The following PTDSS2 variants were observed in gnomAD, a reference collection of about 807,000 sequenced individuals.
PTDSS2 encodes phosphatidylserine synthase 2, also known as PSS-2.
PTDSS2 carries 41 observed loss-of-function variants against 64.7 expected under a neutral mutation model. That is an observed-to-expected ratio of 0.63 (90% CI 0.49 to 0.82). PTDSS2 has a LOEUF of 0.82. Ranked by LOEUF, PTDSS2 falls within the 40% of genes least tolerant of loss-of-function variation. The pLI is 0.00. For missense variants in PTDSS2, 485 were observed against 650.0 expected (o/e 0.75, Z 2.76); for synonymous variants, 297 against 277.8 (o/e 1.07, Z -0.69).
chr11:455,905 G>A lies in PTDSS2; in HGVS notation c.183-4282G>A, dbSNP rs192986477. Among the ~76,000 whole-genome samples, 411 of 152,298 alleles carry A rather than the reference G, an allele frequency of 2.7e-3. 1 individual carries two copies. The highest frequency in any genetic ancestry group is 0.01 in the Middle Eastern group (3 of 292). On this transcript the variant is annotated intron_variant, in intron 1 of 11. Transcript: ENST00000308020. ...GCTGTGTCTTCTCCCGGGTGTGGCT[G>A]GGGCGGGGGCTCAGGGAATGGCTGT...
rs933607235 is a variant in PTDSS2 at position 490,636 on chromosome 11, C to T, written c.*54C>T. ...CCAGAGCCCAGGCCTCCGTGGCCTC[C>T]TCCTGTGTGAGTCCCACCAGGAGCC... On this transcript the variant is annotated 3_prime_UTR_variant, in exon 12 of 12. Transcript: ENST00000308020. 2 of 1,506,758 alleles carry T rather than the reference C, an allele frequency of 1.3e-6. No individual in the cohort carries two copies. The highest frequency in any genetic ancestry group is 1.4e-5 in the African/African-American group (1 of 72,240). The allele number at this position is 1,506,758 out of a possible 1,614,324, so 93.3% of individuals were successfully genotyped here.
Position 476,325 on chromosome 11 carries a change from C to T in PTDSS2, c.367+2348C>T, listed in dbSNP as rs934948034. Among the ~76,000 whole-genome samples, 5 of 151,896 alleles carry T rather than the reference C, an allele frequency of 3.3e-5. No homozygotes were observed. The highest frequency in any genetic ancestry group is 2.1e-4 in the South Asian group (1 of 4,810). ...GCCCGTCACACAGTGAAAAGCCTGGCGCCGTGACGGTGAGAAACTGCCCGT... is the reference window on the plus strand; with the variant it reads ...GCCCGTCACACAGTGAAAAGCCTGGTGCCGTGACGGTGAGAAACTGCCCGT... On this transcript the variant is annotated intron_variant, in intron 3 of 11. Transcript: ENST00000308020. The surrounding 1 kb of genome is among the most constrained non-coding windows in gnomAD (Gnocchi z 4.9).
At chr11:487,611 C>T (rs893778569) in intron 6 of PTDSS2, 141 bp downstream of exon 6, 11 of 788,590 alleles carry the variant, frequency 1.4e-5, no homozygotes, top group Middle Eastern at 4.7e-4. Flanking sequence ...CCCAGAGGTT[C>T]GAGAAGCCGT....
intron 8 of PTDSS2, among the ~76,000 whole-genome samples, chr11:489,198 C>T (rs1262417823): frequency 6.6e-6 from 1 of 152,168 alleles, no homozygotes; most frequent in East Asian, 1.9e-4. Context: ...GGCCAGACCT[C>T]GGAGAACAGC....
intron 1 of PTDSS2, among the ~76,000 whole-genome samples, chr11:456,762 G>T (rs138197265): frequency 6.6e-6 from 1 of 152,206 alleles, no homozygotes; most frequent in Admixed American, 6.5e-5. Flanking sequence ...TGGGTTCTCT[G>T]CTGTGATTGT....
At chr11:486,015 G>A (rs1276900249) in intron 4 of PTDSS2, among the ~76,000 whole-genome samples, 5 of 142,364 alleles carry the variant, frequency 3.5e-5, no homozygotes, top group South Asian at 2.1e-4. Context: ...ACGGGCGCGC[G>A]TGCTCACCGT....
chr11:490,561 G>A lies in PTDSS2; in HGVS notation c.1443G>A (p.Glu481=). The change falls in exon 12 of 12, where the codon GAG becomes GAA. Residue 481 remains glutamate, a synonymous_variant. Coordinates refer to ENST00000308020, the MANE Select transcript of PTDSS2 (RefSeq NM_030783.3). ...DLLGPGVAEG[E]GAPTPN is the part of the protein sequence containing the mutation. ...TGGGGCCTGGGGTGGCCGAGGGCGAGGGAGCACCAACTCCAAACTGACCTG... is the reference window on the plus strand; with the variant it reads ...TGGGGCCTGGGGTGGCCGAGGGCGAAGGAGCACCAACTCCAAACTGACCTG... 1 of 1,603,916 alleles carries A rather than the reference G, an allele frequency of 6.2e-7. No homozygotes were observed. Among genetic ancestry groups the A allele is most frequent in the East Asian group, 2.2e-5 (1 of 44,522 alleles).
intron 8 of PTDSS2, among the ~76,000 whole-genome samples, chr11:488,916 CT>C (rs747530418): frequency 9.2e-5 from 14 of 152,262 alleles, no homozygotes; most frequent in Non-Finnish European, 1.9e-4. Flanking sequence ...TCATTCCGTG[CT>C]TCTCCCTCCC....
In PTDSS2 at chr11:462,571, G is replaced by C. The variant is rs1296600469; in HGVS notation, c.284+2283G>C. 6.6e-6 allele frequency among the ~76,000 whole-genome samples: 1 copy of C among 152,128 alleles called. No individual in the cohort carries two copies. The highest frequency in any genetic ancestry group is 1.5e-5 in the Non-Finnish European group (1 of 68,020). On this transcript the variant is annotated intron_variant, in intron 2 of 11. Coordinates refer to ENST00000308020, the MANE Select transcript of PTDSS2 (RefSeq NM_030783.3). The surrounding 1 kb of genome is among the most constrained non-coding windows in gnomAD (Gnocchi z 4.5). ...CTCTGGGCTCCTTCCTGGAAGGCTC[G>C]GCTGCCCCAGGTCACCCTGGCACTG...
At chr11:481,912 G>T (rs1848087385) in intron 4 of PTDSS2, among the ~76,000 whole-genome samples, 2 of 150,372 alleles carry the variant, frequency 1.3e-5, no homozygotes, top group African/African-American at 4.9e-5. Flanking sequence ...GTGTGATCTT[G>T]GCTCACCGCA....
chr11:470,694 A>G lies in PTDSS2; in HGVS notation c.285-3201A>G, dbSNP rs529356204. 1.3e-5 allele frequency among the ~76,000 whole-genome samples: 2 copies of G among 151,954 alleles called. No homozygotes were observed. Among genetic ancestry groups the G allele is most frequent in the East Asian group, 3.9e-4 (2 of 5,148 alleles). On this transcript the variant is annotated intron_variant, in intron 2 of 11. Coordinates refer to ENST00000308020, the MANE Select transcript of PTDSS2 (RefSeq NM_030783.3). This position sits in a 1 kb window ranked among gnomAD's most constrained non-coding sequence, Gnocchi z 5.3. ...AACCTCCGCCTCTCGGGTTCAAGTG[A>G]TTCTCCTGCCTCAGCCTCCCGAGTA...
chr11:466,571 C>G (rs1328670897), intron 2 of PTDSS2, among the ~76,000 whole-genome samples: 1 of 151,976 alleles, frequency 6.6e-6, no homozygotes, highest in Non-Finnish European at 1.5e-5. Flanking sequence ...CCTCGCCTGG[C>G]TAATTTTTGT....
rs200042034 is a variant in PTDSS2 at position 487,412 on chromosome 11, G to T, written c.571-8G>T. On this transcript the variant is annotated splice_polypyrimidine_tract_variant and splice_region_variant and intron_variant, in intron 5 of 11. Transcript: ENST00000308020. ...CCAGGGTCAAGGGTCATACCCTGTC[G>T]CCCACAGGACAAGTTGGATGGCTTT... The T allele has an allele frequency of 2.5e-6, 4 of 1,613,666 alleles. No homozygotes were observed. Among genetic ancestry groups the T allele is most frequent in the Non-Finnish European group, 3.4e-6 (4 of 1,179,836 alleles).
At chr11:490,279 C>T (rs1438560364) in intron 11 of PTDSS2, 141 bp from the exon 12 acceptor site, 10 of 1,267,864 alleles carry the variant, frequency 7.9e-6, no homozygotes, top group African/African-American at 1.5e-5. Flanking sequence ...CAGTCTGCCA[C>T]GGCTGCCGTC....
At chr11:465,890 T>C (rs1244680372) in intron 2 of PTDSS2, among the ~76,000 whole-genome samples, 3 of 152,060 alleles carry the variant, frequency 2.0e-5, no homozygotes, top group Non-Finnish European at 2.9e-5. Context: ...TGCAGTGAGC[T>C]ATGGTAGCAC....
intron 3 of PTDSS2, among the ~76,000 whole-genome samples, chr11:474,876 C>T (rs1451993155): frequency 5.9e-5 from 9 of 151,920 alleles, no homozygotes; most frequent in African/African-American, 2.2e-4. Flanking sequence ...GACATATTCA[C>T]GTGTTTGTGT....
chr11:462,089 G>A lies in PTDSS2; in HGVS notation c.284+1801G>A, dbSNP rs368143510. 3.3e-5 allele frequency among the ~76,000 whole-genome samples: 5 copies of A among 152,214 alleles called. No homozygotes were observed. In the East Asian group the frequency reaches 9.7e-4, roughly 30 times the overall value. ...AGAATTGTCAAGAGCAGGAGTGCAG[G>A]GGGTGTCTTGGGAGCACTCCCCGAA... On this transcript the variant is annotated intron_variant, in intron 2 of 11. Transcript: ENST00000308020. The surrounding 1 kb of genome is among the most constrained non-coding windows in gnomAD (Gnocchi z 4.5).
chr11:484,426 C>T (rs1848203743), intron 4 of PTDSS2, among the ~76,000 whole-genome samples: 1 of 152,230 alleles, frequency 6.6e-6, no homozygotes, highest in African/African-American at 2.4e-5. Flanking sequence ...GCTGCGTGGT[C>T]CTGGGTGCCA....
At chr11:486,568 C>A (rs531303931) in intron 4 of PTDSS2, among the ~76,000 whole-genome samples, 1 of 152,134 alleles carries the variant, frequency 6.6e-6, no homozygotes, top group Non-Finnish European at 1.5e-5. Flanking sequence ...CCTGGCCGGG[C>A]GTGGTGGCTC....
Sources: gnomAD v4.1 joint callset for allele counts (sites outside exome capture counted in the v4.1 genomes callset) on GRCh38, gnomAD v4.1.1 for gene constraint, Gnocchi (gnomAD v3.1) non-coding constraint, MANE v1.5 for transcripts, NCBI Gene and HGNC (gene_info 2026-07-23, HGNC 2026-07-21) for gene names.